The following HEPHL1 variants were observed in gnomAD, a reference collection of about 807,000 sequenced individuals.
HEPHL1 encodes ferroxidase HEPHL1.
A neutral mutation model predicts 122.0 loss-of-function variants in HEPHL1; 123 were observed. That is an observed-to-expected ratio of 1.01 (90% CI 0.87 to 1.17). The LOEUF (loss-of-function observed/expected upper bound fraction) is 1.17. HEPHL1 is among the 50% of genes most tolerant of loss of function. HEPHL1 has a pLI of 0.00. For missense variants in HEPHL1, 1,452 were observed against 1,430.5 expected (o/e 1.01, Z -0.24); for synonymous variants, 527 against 508.9 (o/e 1.04, Z -0.48).
chr11:94,046,024 A>G, intron 2 of HEPHL1, 107 bp downstream of exon 2: 2 of 818,186 alleles, frequency 2.4e-6, no homozygotes, highest in Non-Finnish European at 3.6e-6. Context: ...GGATATATTT[A>G]TCTTCTCTCT....
chr11:94,044,008 C>T (rs1565347483), intron 1 of HEPHL1, among the ~76,000 whole-genome samples: 1 of 151,740 alleles, frequency 6.6e-6, no homozygotes, highest in Admixed American at 6.6e-5. Context: ...TGGCCTCTTA[C>T]CCCCAAAAGG....
In HEPHL1 at chr11:94,083,570, A is replaced by G. The variant is rs77415176; in HGVS notation, c.1867+1002A>G. Among the ~76,000 whole-genome samples, 613 of 152,390 alleles carry G rather than the reference A, an allele frequency of 4.0e-3. 4 individuals are homozygous for G. Among genetic ancestry groups the G allele is most frequent in the Non-Finnish European group, 7.0e-3 (477 of 68,040 alleles). On this transcript the variant is annotated intron_variant, in intron 10 of 19. Coordinates refer to ENST00000315765, the MANE Select transcript of HEPHL1 (RefSeq NM_001098672.2). ...TAACCTGCTTGTTTTAGGACCCAGCATAAAATCTATTTATTGCCTTTTAAA... is the reference window on the plus strand; with the variant it reads ...TAACCTGCTTGTTTTAGGACCCAGCGTAAAATCTATTTATTGCCTTTTAAA...
At chr11:94,028,481 C>G (rs1945645620) in intron 1 of HEPHL1, among the ~76,000 whole-genome samples, 1 of 152,160 alleles carries the variant, frequency 6.6e-6, no homozygotes, top group African/African-American at 2.4e-5. Flanking sequence ...AATGATTAAT[C>G]TCCTCTGCTT....
intron 1 of HEPHL1, among the ~76,000 whole-genome samples, chr11:94,022,628 C>G (rs572050424): frequency 6.6e-6 from 1 of 152,350 alleles, no homozygotes; most frequent in African/African-American, 2.4e-5. Context: ...CTGTGCCAGA[C>G]AAGCTGCCAA....
chr11:94,100,258 A>T (rs1946357358), intron 13 of HEPHL1, among the ~76,000 whole-genome samples: 1 of 152,260 alleles, frequency 6.6e-6, no homozygotes, highest in African/African-American at 2.4e-5. Context: ...AATTAAAACC[A>T]TGGCTTGAAT....
chr11:94,043,918 T>C (rs1945809917), intron 1 of HEPHL1, among the ~76,000 whole-genome samples: 1 of 151,816 alleles, frequency 6.6e-6, no homozygotes, highest in African/African-American at 2.4e-5. Context: ...TGGCAGGGCT[T>C]GGTATAATTA....
chr11:94,114,126 G>A lies in HEPHL1; in HGVS notation c.*2232G>A, dbSNP rs1307281594. ...CCCTTGGGTATCCATTTTTCCTCCT[G>A]CATCTTTCTATGAAACCATCAGCAA... On this transcript the variant is annotated 3_prime_UTR_variant, in exon 20 of 20. Transcript: ENST00000315765. Among the ~76,000 whole-genome samples the A allele has an allele frequency of 1.3e-5, 2 of 152,070 alleles. No individual in the cohort carries two copies. Among genetic ancestry groups the A allele is most frequent in the Non-Finnish European group, 2.9e-5 (2 of 68,006 alleles).
chr11:94,113,449 A>G lies in HEPHL1; in HGVS notation c.*1555A>G. The G allele has an allele frequency of 6.6e-6, 1 of 152,220 alleles. No individual in the cohort carries two copies. Among genetic ancestry groups the G allele is most frequent in the African/African-American group, 2.4e-5 (1 of 41,460 alleles). The allele number at this position is 152,220 out of a possible 1,614,324, so 9.4% of individuals were successfully genotyped here. A position where few individuals can be genotyped will look rare whatever the true frequency, so the allele number is the denominator to read the frequency against. ...AGTCTTAACATAAAAGGGGATGCAA[A>G]TGCTAATAGTTCTGTTCATAGTTTG... On this transcript the variant is annotated 3_prime_UTR_variant, in exon 20 of 20. Transcript: ENST00000315765.
chr11:94,098,961 T>C (rs1368483708), intron 13 of HEPHL1, among the ~76,000 whole-genome samples: 1 of 152,208 alleles, frequency 6.6e-6, no homozygotes, highest in African/African-American at 2.4e-5. Context: ...GGTTCGAACA[T>C]CCTCCTTTAG....
chr11:94,049,624 A>AAAAT (rs1565348986), intron 2 of HEPHL1, among the ~76,000 whole-genome samples: 1 of 151,546 alleles, frequency 6.6e-6, no homozygotes, highest in Non-Finnish European at 1.5e-5. Context: ...GTAGTAAAAA[A>AAAAT]AAAAAAAAAA....
chr11:94,076,906 A>T (rs1946130209), intron 9 of HEPHL1, among the ~76,000 whole-genome samples: 1 of 152,166 alleles, frequency 6.6e-6, no homozygotes, highest in Non-Finnish European at 1.5e-5. Flanking sequence ...CCATTCAGTC[A>T]AACTCCCTAC....
intron 13 of HEPHL1, among the ~76,000 whole-genome samples, chr11:94,094,612 C>A (rs1946294674): frequency 1.3e-5 from 2 of 152,208 alleles, no homozygotes; most frequent in Admixed American, 6.5e-5. Context: ...TACAGTCCCA[C>A]CAACAGTGTA....
intron 9 of HEPHL1, among the ~76,000 whole-genome samples, chr11:94,080,587 A>T (rs958718360): frequency 6.6e-6 from 1 of 152,224 alleles, no homozygotes; most frequent in Admixed American, 6.5e-5. Context: ...CAAGGAACTT[A>T]AACAAATTTA....
chr11:94,080,731 C>A (rs565960748), intron 9 of HEPHL1, among the ~76,000 whole-genome samples: 1 of 152,258 alleles, frequency 6.6e-6, no homozygotes, highest in African/African-American at 2.4e-5. Flanking sequence ...CAAATGAAAA[C>A]CACAATGAGA....
chr11:94,090,887 C>T (rs892542364), intron 12 of HEPHL1, among the ~76,000 whole-genome samples: 4 of 152,180 alleles, frequency 2.6e-5, no homozygotes, highest in South Asian at 2.1e-4. Context: ...AGAAGTCTTT[C>T]TTTGGGGCTT....
At chr11:94,093,041 T>C (rs974592461) in intron 12 of HEPHL1, among the ~76,000 whole-genome samples, 2 of 152,012 alleles carry the variant, frequency 1.3e-5, no homozygotes, top group African/African-American at 4.8e-5. Context: ...AGCATTACCA[T>C]GTACAGAAAG....
At chr11:94,072,590 A>T (rs1404370842) in intron 6 of HEPHL1, among the ~76,000 whole-genome samples, 1 of 152,130 alleles carries the variant, frequency 6.6e-6, no homozygotes, top group African/African-American at 2.4e-5. Flanking sequence ...TATTTGATTA[A>T]CTAGACACTC....
At chr11:94,098,799 T>A (rs1946341766) in intron 13 of HEPHL1, among the ~76,000 whole-genome samples, 1 of 152,252 alleles carries the variant, frequency 6.6e-6, no homozygotes, top group Non-Finnish European at 1.5e-5. Context: ...TTCCAGTTGA[T>A]CGAATCGGCT....
chr11:94,085,685 G>C (rs1946211005), intron 10 of HEPHL1, among the ~76,000 whole-genome samples: 1 of 152,196 alleles, frequency 6.6e-6, no homozygotes, highest in Non-Finnish European at 1.5e-5. Context: ...GAGAGCCTTA[G>C]AGAAGAGTAT....
Sources: gnomAD v4.1 joint callset for allele counts (sites outside exome capture counted in the v4.1 genomes callset) on GRCh38, gnomAD v4.1.1 for gene constraint, MANE v1.5 for transcripts, NCBI Gene and HGNC (gene_info 2026-07-23, HGNC 2026-07-21) for gene names.